CNTNAP2: variants seen among roughly 807,000 people sequenced by gnomAD.
The protein encoded by CNTNAP2 is contactin-associated protein-like 2.
CNTNAP2 carries 98 observed loss-of-function variants against 155.2 expected under a neutral mutation model. That is an observed-to-expected ratio of 0.63 (90% CI 0.54 to 0.75). CNTNAP2 has a LOEUF of 0.75. CNTNAP2 is among the 30% of genes least tolerant of loss of function. The pLI, the probability that CNTNAP2 is intolerant of heterozygous loss-of-function variation, is 0.00. For synonymous variants in CNTNAP2, 651 were observed against 631.2 expected (o/e 1.03, Z -0.47); for missense variants, 1,727 against 1,688.1 (o/e 1.02, Z -0.40).
At chr7:147,457,117 A>T (rs1797929924) in intron 10 of CNTNAP2, among the ~76,000 whole-genome samples, 1 of 152,138 alleles carries the variant, frequency 6.6e-6, no homozygotes, top group Admixed American at 6.5e-5. Context: ...TCATATGTCT[A>T]TTCCAAAAAG....
At chr7:146,125,557 CAG>C (rs1301055931) in intron 1 of CNTNAP2, among the ~76,000 whole-genome samples, 1 of 115,378 alleles carries the variant, frequency 8.7e-6, no homozygotes, top group Non-Finnish European at 1.6e-5. Context: ...GCCTGGGTGA[CAG>C]AGCAGAGCGA....
intron 1 of CNTNAP2, among the ~76,000 whole-genome samples, chr7:146,560,598 C>G (rs1463077019): frequency 1.3e-5 from 2 of 152,096 alleles, no homozygotes; most frequent in African/African-American, 4.8e-5. Context: ...TCCCTAAATT[C>G]CCTTCAGAAT....
chr7:147,187,170 A>G (rs1482975650), intron 8 of CNTNAP2, among the ~76,000 whole-genome samples: 1 of 152,132 alleles, frequency 6.6e-6, no homozygotes, highest in Non-Finnish European at 1.5e-5. Flanking sequence ...GCAGGAGCTC[A>G]GGTAGGTCTG....
At chr7:146,357,015 G>A (rs940407566) in intron 1 of CNTNAP2, among the ~76,000 whole-genome samples, 4 of 152,048 alleles carry the variant, frequency 2.6e-5, no homozygotes, top group Non-Finnish European at 4.4e-5. Flanking sequence ...AGCATCCAAC[G>A]TGCAATGACT....
intron 1 of CNTNAP2, among the ~76,000 whole-genome samples, chr7:146,231,098 A>C (rs907869517): frequency 6.6e-6 from 1 of 152,142 alleles, no homozygotes; most frequent in Non-Finnish European, 1.5e-5. Flanking sequence ...GGAACCTTAT[A>C]AGCATTCATT....
chr7:146,957,863 A>C (rs756385299), intron 3 of CNTNAP2, among the ~76,000 whole-genome samples: 41 of 152,220 alleles, frequency 2.7e-4, no homozygotes, highest in Non-Finnish European at 4.7e-4. Context: ...AGTGTGTAAT[A>C]GTTTATACAC....
At chr7:147,888,201 G>A (rs1343672503) in intron 13 of CNTNAP2, among the ~76,000 whole-genome samples, 1 of 104,976 alleles carries the variant, frequency 9.5e-6, no homozygotes, top group Non-Finnish European at 1.9e-5. Flanking sequence ...TGAAATTATT[G>A]GATTGAAAAA....
At chr7:146,125,885 T>C (rs900439654) in intron 1 of CNTNAP2, among the ~76,000 whole-genome samples, 1 of 152,182 alleles carries the variant, frequency 6.6e-6, no homozygotes, top group Admixed American at 6.6e-5. Flanking sequence ...AATCAATGAG[T>C]GTCCTTTTCT....
intron 14 of CNTNAP2, among the ~76,000 whole-genome samples, chr7:147,933,494 G>GAGATAGATAGAT (rs71183037): frequency 0.03 from 3,681 of 120,694 alleles, 48 homozygotes; most frequent in Admixed American, 0.035. Flanking sequence ...CAGAAAATGT[G>GAGATAGATAGAT]AGATAGATAG....
intron 1 of CNTNAP2, among the ~76,000 whole-genome samples, chr7:146,749,897 C>T (rs1801873777): frequency 6.6e-6 from 1 of 152,126 alleles, no homozygotes; most frequent in African/African-American, 2.4e-5. Context: ...CAGTATCTCA[C>T]CTGGACCAAT....
intron 1 of CNTNAP2, among the ~76,000 whole-genome samples, chr7:146,678,251 T>C (rs1173961375): frequency 1.3e-5 from 2 of 151,848 alleles, no homozygotes; most frequent in African/African-American, 4.8e-5. Context: ...GTATTTTTAG[T>C]AAATATGGGG....
At chr7:146,466,285 G>A (rs1297539774) in intron 1 of CNTNAP2, among the ~76,000 whole-genome samples, 2 of 152,200 alleles carry the variant, frequency 1.3e-5, no homozygotes, top group African/African-American at 4.8e-5. Flanking sequence ...TTTCATGTGA[G>A]TGGCTGGGAG....
intron 18 of CNTNAP2, among the ~76,000 whole-genome samples, chr7:148,189,305 G>A (rs1795166714): frequency 6.6e-6 from 1 of 152,116 alleles, no homozygotes; most frequent in South Asian, 2.1e-4. Flanking sequence ...TCTAAACAAA[G>A]AGGACAGGAG....
At chr7:147,116,745 T>A (rs1800999083) in intron 5 of CNTNAP2, among the ~76,000 whole-genome samples, 1 of 150,818 alleles carries the variant, frequency 6.6e-6, no homozygotes, top group Non-Finnish European at 1.5e-5. Context: ...AGAAAATAGC[T>A]CTGTCATGCA....
At chr7:148,303,672 G>A (rs1374639670) in intron 21 of CNTNAP2, among the ~76,000 whole-genome samples, 2 of 152,284 alleles carry the variant, frequency 1.3e-5, no homozygotes, top group East Asian at 3.9e-4. Flanking sequence ...ATCAGACATT[G>A]CACGTATTAA....
chr7:147,855,103 A>G (rs1372064849), intron 13 of CNTNAP2, among the ~76,000 whole-genome samples: 1 of 152,188 alleles, frequency 6.6e-6, no homozygotes, highest in Non-Finnish European at 1.5e-5. Context: ...GTTTAATTAC[A>G]TATGCGGCTC....
chr7:146,674,399 T>C (rs1800360050), intron 1 of CNTNAP2, among the ~76,000 whole-genome samples: 1 of 152,090 alleles, frequency 6.6e-6, no homozygotes, highest in African/African-American at 2.4e-5. Context: ...AAAATGGAGG[T>C]GGGCTAATAA....
intron 21 of CNTNAP2, among the ~76,000 whole-genome samples, chr7:148,382,383 C>G (rs1462534484): frequency 6.6e-6 from 1 of 152,124 alleles, no homozygotes; most frequent in African/African-American, 2.4e-5. Flanking sequence ...TGAGACCCCG[C>G]AGACAGATAC....
intron 10 of CNTNAP2, among the ~76,000 whole-genome samples, chr7:147,428,827 A>T (rs940666062): frequency 6.6e-6 from 1 of 152,110 alleles, no homozygotes; most frequent in African/African-American, 2.4e-5. Flanking sequence ...GTGTTTGGTT[A>T]CATGGAAAAG....
Sources: gnomAD v4.1 joint callset for allele counts (sites outside exome capture counted in the v4.1 genomes callset) on GRCh38, gnomAD v4.1.1 for gene constraint, MANE v1.5 for transcripts, NCBI Gene and HGNC (gene_info 2026-07-23, HGNC 2026-07-21) for gene names.